MICAL2: variants seen among roughly 807,000 people sequenced by gnomAD.
MICAL2 encodes the protein microtubule associated monooxygenase, calponin and LIM domain containing 2.
Under a neutral mutation model 127.3 loss-of-function variants are expected in MICAL2, and 77 were observed. The ratio of observed to expected loss-of-function variants is 0.60; its 90% CI spans 0.50 to 0.73. The LOEUF (loss-of-function observed/expected upper bound fraction) is 0.73, where lower values mean the gene tolerates loss of function less well. MICAL2 is among the 30% of genes least tolerant of loss of function. The probability of loss-of-function intolerance (pLI) is 0.00; values close to 1 mark genes in which losing one functional copy is unlikely to be tolerated. For missense variants in MICAL2, 1,351 were observed against 1,434.4 expected (o/e 0.94, Z 0.94); for synonymous variants, 570 against 551.1 (o/e 1.03, Z -0.48).
intron 26 of MICAL2, chr11:12,260,928 C>A: frequency 1.0e-6 from 1 of 985,510 alleles, no homozygotes; most frequent in Non-Finnish European, 1.2e-6. Context: ...CACTAATGGG[C>A]ACTGCAGGGA....
chr11:12,224,673 A>T lies in MICAL2; in HGVS notation c.1541A>T (p.Glu514Val). The T allele has an allele frequency of 6.2e-7, 1 of 1,613,534 alleles. No homozygotes were observed. Reference protein sequence around the residue: ...VRRSVNLSRKESDIRPSKLLT... With the variant: ...VRRSVNLSRKVSDIRPSKLLT... ...ACTGCCTGCGCTCTCCTTCTTGCAG[A>T]GTCAGATATCCGGCCCAGCAAGCTC... The change falls in exon 13 of 28, where the codon GAG becomes GTG. Residue 514 changes from glutamate to valine, a missense_variant and splice_region_variant. Glu to Val is a moderately radical substitution (Grantham distance 121). Around this residue, in one of 2 missense-constraint regions of MICAL2, gnomAD observed 599 missense variants for 714.9 expected, o/e 0.84. Transcript: ENST00000683283.
chr11:12,177,884 C>T (rs2133924217), intron 3 of MICAL2, among the ~76,000 whole-genome samples: 1 of 152,170 alleles, frequency 6.6e-6, no homozygotes, highest in East Asian at 1.9e-4. Context: ...CTGGCCTGTA[C>T]CTCTCTCTTG....
downstream of MICAL2, among the ~76,000 whole-genome samples, chr11:12,291,580 A>G (rs1215901059): frequency 6.6e-6 from 1 of 151,042 alleles, no homozygotes; most frequent in African/African-American, 2.4e-5. Context: ...TATCCTTCCA[A>G]TGATTTGATA....
intron 3 of MICAL2, among the ~76,000 whole-genome samples, chr11:12,173,628 AC>A (rs747099691): frequency 6.6e-5 from 10 of 152,198 alleles, no homozygotes; most frequent in Non-Finnish European, 1.5e-4. Context: ...TACAACCATC[AC>A]CGCTTCCTGT....
intron 3 of MICAL2, among the ~76,000 whole-genome samples, chr11:12,190,071 G>C (rs66903955): frequency 0.43 from 65,539 of 152,014 alleles, 14,879 homozygotes; most frequent in Middle Eastern, 0.6. Flanking sequence ...GACCCACATG[G>C]AGTTATCAAG....
At chr11:12,335,679 T>C (rs1938741350) in intron 32 of MICAL2, among the ~76,000 whole-genome samples, 1 of 150,652 alleles carries the variant, frequency 6.6e-6, no homozygotes, top group South Asian at 2.1e-4. Flanking sequence ...TATGGCTAGC[T>C]AGTTTTCCCA....
chr11:12,244,053 C>T lies in MICAL2; in HGVS notation c.2725C>T (p.Pro909Ser), dbSNP rs1012957811. ...ATCTCCTCCCTCTCGCCTTCCGTCTCCTGATCCAGCTGCTTCTTCCTCTCC... is the reference window on the plus strand; with the variant it reads ...ATCTCCTCCCTCTCGCCTTCCGTCTTCTGATCCAGCTGCTTCTTCCTCTCC... ...PPSPPSRLPSPDPAASSSPST... is the reference protein window; with the variant it reads ...PPSPPSRLPSSDPAASSSPST... Residue 909 changes from proline (P) to serine (S), a missense_variant, in exon 21 of 28, where the codon CCT becomes TCT. Physicochemically the swap from Pro to Ser is moderately conservative, Grantham distance 74. Transcript: ENST00000683283. The T allele has an allele frequency of 6.2e-7, 1 of 1,614,172 alleles. No individual in the cohort carries two copies.
At chr11:12,195,597 A>G (rs1432638782) in intron 3 of MICAL2, among the ~76,000 whole-genome samples, 8 of 152,142 alleles carry the variant, frequency 5.3e-5, no homozygotes, top group Non-Finnish European at 1.2e-4. Flanking sequence ...GGAAAATATA[A>G]AAGTAGATGC....
chr11:12,131,915 T>G (rs1851449933), intron 1 of MICAL2, among the ~76,000 whole-genome samples: 1 of 152,230 alleles, frequency 6.6e-6, no homozygotes, highest in East Asian at 1.9e-4. Context: ...AGGCTCATAG[T>G]AAATGGCTAA....
chr11:12,202,506 G>A (rs7117808), intron 3 of MICAL2, among the ~76,000 whole-genome samples: 34,072 of 152,130 alleles, frequency 0.22, 6,978 homozygotes, highest in African/African-American at 0.53. Flanking sequence ...ACTTGAAACC[G>A]TTCAACCCAC....
chr11:12,165,176 AT>A (rs1353813954), intron 3 of MICAL2, among the ~76,000 whole-genome samples: 112 of 22,010 alleles, frequency 5.1e-3, no homozygotes, highest in African/African-American at 7.5e-3. Flanking sequence ...AAAGAAAGAA[AT>A]AAAAAAATCA....
In MICAL2 at chr11:12,209,564, C is replaced by T. The variant is rs775649029; in HGVS notation, c.657C>T (p.Ile219=). The change falls in exon 6 of 28, where the codon ATC becomes ATT. Residue 219 remains isoleucine, a synonymous_variant. Coordinates refer to ENST00000683283, the MANE Select transcript of MICAL2 (RefSeq NM_001282663.2). ...TGTCGGAGTTTGAGTTTGACGTCAT[C>T]ATTGGTGCCGATGGCCGCAGGAACA... is the stretch of plus-strand genomic sequence containing the variant. ...HSLSEFEFDV[I]IGADGRRNTL... The T allele has an allele frequency of 8.7e-6, 14 of 1,614,164 alleles. No homozygotes were observed. The highest frequency in any genetic ancestry group is 1.2e-5 in the Non-Finnish European group (14 of 1,180,020).
At chr11:12,200,988 T>C (rs979403822) in intron 3 of MICAL2, among the ~76,000 whole-genome samples, 1 of 152,104 alleles carries the variant, frequency 6.6e-6, no homozygotes, top group Non-Finnish European at 1.5e-5. Flanking sequence ...ATGCAGTGAA[T>C]CCAGACTTAA....
At chr11:12,204,485 T>C (rs751595775) in intron 4 of MICAL2, 28 bp downstream of exon 4, 10 of 1,607,820 alleles carry the variant, frequency 6.2e-6, no homozygotes, top group Non-Finnish European at 5.1e-6. Flanking sequence ...TGATATCCCA[T>C]GAAGGGAGGG....
intron 32 of MICAL2, among the ~76,000 whole-genome samples, chr11:12,346,080 G>C (rs188070700): frequency 1.8e-4 from 28 of 151,438 alleles, no homozygotes; most frequent in Middle Eastern, 3.4e-3. Flanking sequence ...ATTGAAGGCC[G>C]ATAGAAAGAA....
At chr11:12,224,548 C>G (rs1158305623) in intron 12 of MICAL2, 125 bp from the exon 13 acceptor site, 1 of 1,322,172 alleles carries the variant, frequency 7.6e-7, no homozygotes, top group Non-Finnish European at 1.0e-6. Context: ...GGCCCCCTGC[C>G]CTGGCCCCTT....
chr11:12,269,969 G>A (rs1042543509), intron 24 of MICAL2, among the ~76,000 whole-genome samples: 2 of 152,232 alleles, frequency 1.3e-5, no homozygotes, highest in Non-Finnish European at 2.9e-5. Context: ...GTGGACTCCT[G>A]TTCCCATGAC....
intron 3 of MICAL2, among the ~76,000 whole-genome samples, chr11:12,177,536 C>A (rs929100617): frequency 6.6e-6 from 1 of 152,080 alleles, no homozygotes; most frequent in Non-Finnish European, 1.5e-5. Context: ...CATTTGTTTC[C>A]TGTGGCTTTG....
intron 2 of MICAL2, chr11:12,161,489 A>C (rs7131034): frequency 0.75 from 113,679 of 152,164 alleles, 42,635 homozygotes; most frequent in Middle Eastern, 0.87. Flanking sequence ...AAGTTTTGAG[A>C]AGAGACTGTT....
Sources: allele counts gnomAD v4.1 joint callset (sites outside exome capture counted in the v4.1 genomes callset), GRCh38; gene constraint gnomAD v4.1.1; regional missense constraint gnomAD v4.1.1; transcripts MANE v1.5; gene names NCBI Gene and HGNC (gene_info 2026-07-23, HGNC 2026-07-21).